Variants in SGK1 observed in about 807,000 individuals in gnomAD.
SGK1 encodes the protein serine/threonine-protein kinase Sgk1.
Under a neutral mutation model 64.2 loss-of-function variants are expected in SGK1, and 26 were observed. That is an observed-to-expected ratio of 0.40 (90% CI 0.30 to 0.56). The LOEUF is 0.56. Among genes scored for constraint, SGK1 ranks in the 20% least tolerant of loss-of-function variants. The pLI, the probability that SGK1 is intolerant of heterozygous loss-of-function variation, is 0.38. For missense variants in SGK1, 519 were observed against 645.6 expected, an observed-to-expected ratio of 0.80 and a Z score of 2.12; for synonymous variants, 265 against 239.7, an observed-to-expected ratio of 1.11 and a Z score of -0.98.
At position 134,317,680 on chromosome 6, in the gene SGK1, C is replaced by G; in HGVS notation, c.-220G>C. ...GCCACCGACAGCGGCTTTTCTCCTTCCATCATTGCTCCGAAACATATGCAT... is the reference window on the plus strand; with the variant it reads ...GCCACCGACAGCGGCTTTTCTCCTTGCATCATTGCTCCGAAACATATGCAT... On this transcript the variant is annotated 5_prime_UTR_variant, in exon 1 of 14. Transcript: ENST00000367858. 2 of 570,740 alleles carry G rather than the reference C, an allele frequency of 3.5e-6. No homozygotes were observed. The highest frequency in any genetic ancestry group is 3.1e-5 in the Admixed American group (1 of 32,454). 35.4% of individuals were successfully genotyped at this position (570,740 alleles called of 1,614,324 possible). A position where few individuals can be genotyped will look rare whatever the true frequency, so the allele number is the denominator to read the frequency against.
At chr6:134,306,273 A>C (rs980027972) in intron 1 of SGK1, among the ~76,000 whole-genome samples, 2 of 151,946 alleles carry the variant, frequency 1.3e-5, no homozygotes, top group Non-Finnish European at 2.9e-5. Flanking sequence ...AAATACAAAA[A>C]TTAGCTGGGC....
At chr6:134,315,851 G>A (rs1267528732) in intron 1 of SGK1, among the ~76,000 whole-genome samples, 1 of 152,052 alleles carries the variant, frequency 6.6e-6, no homozygotes, top group African/African-American at 2.4e-5. Flanking sequence ...ACCACCCTGG[G>A]CAATATAGCA....
intron 2 of SGK1, among the ~76,000 whole-genome samples, chr6:134,240,017 C>T (rs1446663606): frequency 6.6e-6 from 1 of 152,030 alleles, no homozygotes; most frequent in African/African-American, 2.4e-5. Flanking sequence ...GCAGGCCAGG[C>T]GCAGTGGCTC....
At chr6:134,256,649 A>G (rs1004055091) in intron 2 of SGK1, among the ~76,000 whole-genome samples, 3 of 152,192 alleles carry the variant, frequency 2.0e-5, no homozygotes, top group African/African-American at 7.2e-5. Flanking sequence ...GTGGCCTATA[A>G]GTTAGTTTCA....
chr6:134,296,709 A>G (rs1474513499), intron 1 of SGK1, among the ~76,000 whole-genome samples: 1 of 151,240 alleles, frequency 6.6e-6, no homozygotes, highest in East Asian at 1.9e-4. Flanking sequence ...ATTAGTATTT[A>G]CTAAGAGTTG....
At chr6:134,222,766 TATTTGGATTTGTTCA>T (rs1487122680) in intron 2 of SGK1, among the ~76,000 whole-genome samples, 4 of 152,208 alleles carry the variant, frequency 2.6e-5, no homozygotes, top group African/African-American at 9.7e-5. Flanking sequence ...TTCAATACAA[TATTTGGATTTGTTCA>T]AAAACTATGA....
intron 3 of SGK1, among the ~76,000 whole-genome samples, chr6:134,190,092 G>A (rs990779921): frequency 2.0e-5 from 3 of 151,948 alleles, no homozygotes; most frequent in South Asian, 2.1e-4. Context: ...TCAAGTGATC[G>A]GCCCGCCTTG....
intron 3 of SGK1, chr6:134,175,684 C>A (rs1165564440): frequency 2.7e-6 from 4 of 1,471,446 alleles, no homozygotes; most frequent in Non-Finnish European, 3.6e-6. Context: ...GCGGGGCGCG[C>A]GGCAGACGAG....
intron 1 of SGK1, among the ~76,000 whole-genome samples, chr6:134,315,581 TA>T (rs1777670499): frequency 6.6e-6 from 1 of 152,204 alleles, no homozygotes; most frequent in Admixed American, 6.5e-5. Context: ...AAAGACAATT[TA>T]AAATTTATGT....
intron 2 of SGK1, among the ~76,000 whole-genome samples, chr6:134,231,904 G>A (rs1349186940): frequency 1.3e-5 from 2 of 151,808 alleles, no homozygotes; most frequent in Admixed American, 6.6e-5. Context: ...GCCAGGCGTG[G>A]TGGCAGAAGC....
At chr6:134,287,343 AT>A (rs1280467813) in intron 1 of SGK1, among the ~76,000 whole-genome samples, 3 of 151,334 alleles carry the variant, frequency 2.0e-5, no homozygotes, top group Non-Finnish European at 2.9e-5. Flanking sequence ...AATAAATATA[AT>A]TTTTTTATGT....
intron 2 of SGK1, among the ~76,000 whole-genome samples, chr6:134,254,739 A>G (rs796880516): frequency 6.6e-6 from 1 of 152,224 alleles, no homozygotes; most frequent in African/African-American, 2.4e-5. Context: ...ATAGATAAAC[A>G]CACATATATA....
chr6:134,242,396 G>C (rs565646308), intron 2 of SGK1, among the ~76,000 whole-genome samples: 7 of 152,154 alleles, frequency 4.6e-5, no homozygotes, highest in East Asian at 3.9e-4. Flanking sequence ...TCAGGAAGGA[G>C]AATCGCTTGA....
chr6:134,267,477 G>A (rs1192053599), intron 1 of SGK1, among the ~76,000 whole-genome samples: 1 of 151,980 alleles, frequency 6.6e-6, no homozygotes, highest in Non-Finnish European at 1.5e-5. Flanking sequence ...ATTTTTTGGA[G>A]AGACGGTGTC....
chr6:134,312,594 G>A lies in SGK1; in HGVS notation c.69+4798C>T, dbSNP rs371093018. ...GATTATTTAATGTTGACAGGCATTC[G>A]GGATGTATAGAGATTAAGGACACAG... On this transcript the variant is annotated intron_variant, in intron 1 of 13. Transcript: ENST00000367858. Among the ~76,000 whole-genome samples the A allele has an allele frequency of 3.9e-5, 6 of 152,162 alleles. No homozygotes were observed. The South Asian group carries it at 8.3e-4, about 21-fold the overall frequency.
chr6:134,221,652 ATT>A (rs200019836), intron 2 of SGK1, among the ~76,000 whole-genome samples: 4 of 143,920 alleles, frequency 2.8e-5, no homozygotes, highest in Non-Finnish European at 3.1e-5. Context: ...GGCACATATA[ATT>A]TTTTTTTTTT....
At chr6:134,308,375 T>C (rs1777565421) in intron 1 of SGK1, among the ~76,000 whole-genome samples, 1 of 152,246 alleles carries the variant, frequency 6.6e-6, no homozygotes, top group Non-Finnish European at 1.5e-5. Flanking sequence ...AAATATGTTT[T>C]AACAATTTGG....
intron 2 of SGK1, among the ~76,000 whole-genome samples, chr6:134,246,345 A>AG (rs1024464944): frequency 2.0e-5 from 3 of 150,438 alleles, no homozygotes; most frequent in African/African-American, 7.3e-5. Context: ...TTAGTAGAGA[A>AG]GGGGTTTCAC....
rs9493867 is a variant in SGK1 at position 134,227,005 on chromosome 6, A to G, written c.286-19574T>C. On this transcript the variant is annotated intron_variant, in intron 2 of 13. Coordinates refer to ENST00000367858, the MANE Select transcript of SGK1 (RefSeq NM_001143676.3). ...ACTCAGCCCCTAAGAAGACATTTTA[A>G]AATAAGTAGGAAAGCGTTGTGGTGT... 3.3e-5 allele frequency among the ~76,000 whole-genome samples: 5 copies of G among 152,056 alleles called. No homozygotes were observed. In the East Asian group the frequency reaches 9.7e-4, roughly 30 times the overall value.
Sources: allele counts gnomAD v4.1 joint callset (sites outside exome capture counted in the v4.1 genomes callset), GRCh38; gene constraint gnomAD v4.1.1; transcripts MANE v1.5; gene names NCBI Gene and HGNC (gene_info 2026-07-23, HGNC 2026-07-21).